The following CEP170 variants were observed in gnomAD, a reference collection of about 807,000 sequenced individuals.
The protein encoded by CEP170 is centrosomal protein 170, also known as centrosomal protein of 170 kDa.
CEP170 carries 21 observed loss-of-function variants against 151.9 expected under a neutral mutation model. The observed-to-expected ratio is 0.14, with a 90% CI of 0.10 to 0.20. CEP170 has a LOEUF of 0.20. CEP170 is among the 10% of genes least tolerant of loss of function. The pLI, the probability that CEP170 is intolerant of heterozygous loss-of-function variation, is 1.00. For synonymous variants in CEP170, 356 were observed against 648.8 expected (o/e 0.55, Z 6.86); for missense variants, 964 against 1,892.9 (o/e 0.51, Z 9.11).
intron 1 of CEP170, among the ~76,000 whole-genome samples, chr1:243,237,047 T>A (rs529529364): frequency 6.6e-6 from 1 of 152,214 alleles, no homozygotes; most frequent in Non-Finnish European, 1.5e-5. Flanking sequence ...GTATAACATA[T>A]GAAAAGTGAA....
chr1:243,226,494 C>G (rs2063313117), intron 1 of CEP170, among the ~76,000 whole-genome samples: 2 of 151,886 alleles, frequency 1.3e-5, no homozygotes, highest in Admixed American at 1.3e-4. Flanking sequence ...TTAACTTGAA[C>G]TATATAAAGA....
At chr1:243,240,977 GC>G (rs2064779464) in intron 1 of CEP170, among the ~76,000 whole-genome samples, 1 of 152,180 alleles carries the variant, frequency 6.6e-6, no homozygotes, top group African/African-American at 2.4e-5. Context: ...ACAGGTGTAA[GC>G]CACCGTGCCC....
At chr1:243,250,276 G>A (rs1246488819) in intron 1 of CEP170, among the ~76,000 whole-genome samples, 1 of 152,168 alleles carries the variant, frequency 6.6e-6, no homozygotes, top group Admixed American at 6.5e-5. Context: ...AGTTTGGCTT[G>A]TTGAATTTAT....
intron 14 of CEP170, among the ~76,000 whole-genome samples, chr1:243,153,657 A>G (rs1021226751): frequency 2.0e-4 from 30 of 152,196 alleles, no homozygotes; most frequent in Non-Finnish European, 3.4e-4. Flanking sequence ...TTGTTTAGGT[A>G]TATACTTTTT....
chr1:243,225,162 C>T lies in CEP170; in HGVS notation c.105+14G>A. ...TTTTGAATAAACACATATAGAGAAG[C>T]TTGACACAATTACCTGCAACATGAG... On this transcript the variant is annotated intron_variant, in intron 2 of 19. Coordinates refer to ENST00000366542, the MANE Select transcript of CEP170 (RefSeq NM_014812.3). The T allele has an allele frequency of 6.5e-7, 1 of 1,533,746 alleles. No individual in the cohort carries two copies. The highest frequency in any genetic ancestry group is 2.4e-5 in the East Asian group (1 of 42,292).
intron 10 of CEP170, among the ~76,000 whole-genome samples, chr1:243,175,431 G>A (rs1450385801): frequency 1.3e-5 from 2 of 152,116 alleles, no homozygotes; most frequent in Non-Finnish European, 2.9e-5. Context: ...ATTAATGATA[G>A]CAATGACTAC....
chr1:243,180,570 C>G (rs1475073888), intron 10 of CEP170, among the ~76,000 whole-genome samples: 2 of 152,210 alleles, frequency 1.3e-5, no homozygotes, highest in Non-Finnish European at 2.9e-5. Flanking sequence ...CCTTGAGTTC[C>G]CATGCACATC....
intron 11 of CEP170, among the ~76,000 whole-genome samples, chr1:243,170,920 G>A (rs543921885): frequency 3.7e-4 from 57 of 152,350 alleles, no homozygotes; most frequent in Admixed American, 9.1e-4. Flanking sequence ...TCTGAGCAGT[G>A]AAGGTGGTAC....
intron 13 of CEP170, among the ~76,000 whole-genome samples, chr1:243,157,808 C>T (rs2789266): frequency 0.044 from 6,666 of 152,078 alleles, 300 homozygotes; most frequent in African/African-American, 0.12. Context: ...AACTCTACAA[C>T]GAGGAATATG....
intron 15 of CEP170, 170 bp downstream of exon 15, chr1:243,142,146 A>G (rs2055919018): frequency 7.5e-7 from 1 of 1,327,372 alleles, no homozygotes; most frequent in Admixed American, 3.0e-5. Flanking sequence ...AGCCTTCACT[A>G]GTTTTGTTAC....
At chr1:243,148,747 T>C (rs1332449948) in intron 14 of CEP170, among the ~76,000 whole-genome samples, 3 of 152,182 alleles carry the variant, frequency 2.0e-5, no homozygotes, top group Admixed American at 6.5e-5. Context: ...ATAAAGAAGG[T>C]TCACAAAAAA....
At chr1:243,145,814 C>T (rs1284421791) in intron 14 of CEP170, among the ~76,000 whole-genome samples, 4 of 152,144 alleles carry the variant, frequency 2.6e-5, no homozygotes, top group Non-Finnish European at 4.4e-5. Flanking sequence ...TGTAATGACT[C>T]AGCTTTCAAG....
intron 12 of CEP170, chr1:243,166,398 C>T (rs2058444228): frequency 5.5e-6 from 2 of 364,496 alleles, no homozygotes; most frequent in African/African-American, 4.2e-5. Flanking sequence ...TACTGTATTG[C>T]TTAGTGAATA....
At chr1:243,167,195 A>G (rs1320972644) in intron 12 of CEP170, among the ~76,000 whole-genome samples, 1 of 152,082 alleles carries the variant, frequency 6.6e-6, no homozygotes, top group East Asian at 1.9e-4. Context: ...TTTAAAAAGT[A>G]TTATCTACTT....
intron 3 of CEP170, among the ~76,000 whole-genome samples, chr1:243,221,117 C>T (rs972928886): frequency 1.3e-5 from 2 of 152,206 alleles, no homozygotes; most frequent in African/African-American, 2.4e-5. Flanking sequence ...CTCCGCCTCC[C>T]GGGTTCACGC....
intron 4 of CEP170, among the ~76,000 whole-genome samples, chr1:243,210,542 TA>T: frequency 6.6e-6 from 1 of 151,204 alleles, no homozygotes; most frequent in Non-Finnish European, 1.5e-5. Context: ...GTGAACATTA[TA>T]AAGTATGCTA....
At chr1:243,135,344 C>T (rs149141747) in intron 17 of CEP170, among the ~76,000 whole-genome samples, 11,955 of 152,032 alleles carry the variant, frequency 0.079, 694 homozygotes, top group South Asian at 0.27. Flanking sequence ...GTAACTGGGA[C>T]TACAGGCGCC....
chr1:243,244,683 C>T (rs1356320263), intron 1 of CEP170, among the ~76,000 whole-genome samples: 1 of 151,934 alleles, frequency 6.6e-6, no homozygotes, highest in African/African-American at 2.4e-5. Flanking sequence ...GAGATCGAGG[C>T]TGCAGTGAAT....
At chr1:243,238,334 C>CTG (rs1486606496) in intron 1 of CEP170, among the ~76,000 whole-genome samples, 1 of 152,058 alleles carries the variant, frequency 6.6e-6, no homozygotes, top group African/African-American at 2.4e-5. Context: ...TGACGTGCAC[C>CTG]TGTGGTCCCA....
Sources: allele counts gnomAD v4.1 joint callset (sites outside exome capture counted in the v4.1 genomes callset), GRCh38; gene constraint gnomAD v4.1.1; transcripts MANE v1.5; gene names NCBI Gene and HGNC (gene_info 2026-07-23, HGNC 2026-07-21).